Variants in PCDH15 observed in about 807,000 individuals in gnomAD.
PCDH15 encodes protocadherin related 15, also known as protocadherin-15.
Under a neutral mutation model 178.5 loss-of-function variants are expected in PCDH15, and 129 were observed. The ratio of observed to expected loss-of-function variants is 0.72; its 90% CI spans 0.63 to 0.84. The LOEUF (loss-of-function observed/expected upper bound fraction) is 0.84, where lower values mean the gene tolerates loss of function less well. Among genes scored for constraint, PCDH15 ranks in the 40% least tolerant of loss-of-function variants. The pLI, the probability that PCDH15 is intolerant of heterozygous loss-of-function variation, is 0.00. For missense variants in PCDH15, 2,230 were observed against 2,099.9 expected, an observed-to-expected ratio of 1.06 and a Z score of -1.21; for synonymous variants, 800 against 732.0, an observed-to-expected ratio of 1.09 and a Z score of -1.50.
At chr10:54,665,135 C>A (rs1422132101) in intron 1 of PCDH15, among the ~76,000 whole-genome samples, 1 of 151,574 alleles carries the variant, frequency 6.6e-6, no homozygotes, top group Non-Finnish European at 1.5e-5. Context: ...CTACAGAGGA[C>A]AAGCAGACAA....
intron 3 of PCDH15, among the ~76,000 whole-genome samples, chr10:54,862,104 TTA>T (rs1380244360): frequency 6.6e-6 from 1 of 152,212 alleles, no homozygotes; most frequent in Non-Finnish European, 1.5e-5. Flanking sequence ...TACATCATAG[TTA>T]TATGTCTATA....
chr10:54,877,497 T>C (rs1025748819), intron 3 of PCDH15, among the ~76,000 whole-genome samples: 1 of 152,200 alleles, frequency 6.6e-6, no homozygotes, highest in Non-Finnish European at 1.5e-5. Context: ...AAAACCTCTC[T>C]GATGAATTAT....
chr10:53,818,260 C>A (rs2076135404), intron 33 of PCDH15: 1 of 318,338 alleles, frequency 3.1e-6, no homozygotes, highest in Non-Finnish European at 5.7e-6. Flanking sequence ...ACAAAACATG[C>A]AAAATCTATT....
intron 1 of PCDH15, among the ~76,000 whole-genome samples, chr10:55,189,456 T>A (rs980961575): frequency 6.6e-6 from 1 of 151,890 alleles, no homozygotes; most frequent in East Asian, 1.9e-4. Flanking sequence ...GCTATAGAGA[T>A]AATTAAATAA....
chr10:54,376,908 C>T (rs1948533358), intron 4 of PCDH15, among the ~76,000 whole-genome samples: 1 of 151,854 alleles, frequency 6.6e-6, no homozygotes, highest in South Asian at 2.1e-4. Flanking sequence ...TTCACTGCAG[C>T]ATTTTTGTAA....
rs564413406 is a variant in PCDH15 at position 55,568,629 on chromosome 10, G to A, written c.-156+58996C>T. 1.6e-4 allele frequency among the ~76,000 whole-genome samples: 25 copies of A among 152,062 alleles called. 1 individual carries two copies. The South Asian group carries it at 3.7e-3, about 23-fold the overall frequency. On this transcript the variant is annotated intron_variant, in intron 2 of 5. Coordinates refer to the PCDH15 transcript ENST00000613346. Reference sequence around the variant, plus strand: ...GAATTATGAGTTTGGCTTTGAACAAGCTAATTTGACATGTTATCGGGACTT... The same window carrying A: ...GAATTATGAGTTTGGCTTTGAACAAACTAATTTGACATGTTATCGGGACTT...
intron 13 of PCDH15, among the ~76,000 whole-genome samples, chr10:54,177,321 C>T (rs2047533589): frequency 6.6e-6 from 1 of 152,070 alleles, no homozygotes; most frequent in Admixed American, 6.6e-5. Context: ...ATTTTTAGAG[C>T]AGTGAAACTC....
In PCDH15 at chr10:54,278,326, G is replaced by C. The variant is rs559630126; in HGVS notation, c.876+38945C>G. On this transcript the variant is annotated intron_variant, in intron 8 of 37. Coordinates refer to ENST00000644397, the MANE Select transcript of PCDH15 (RefSeq NM_001384140.1). ...ACAATTTTTAGTAATTGCCTAGTCA[G>C]TGAACCTTGCCATAGTCCTTAGTTA... Among the ~76,000 whole-genome samples, 3 of 151,632 alleles carry C rather than the reference G, an allele frequency of 2.0e-5. No homozygotes were observed. The East Asian group carries it at 5.8e-4, about 29-fold the overall frequency.
At chr10:54,139,952 A>ACAAAAGT (rs1374396891) in intron 14 of PCDH15, among the ~76,000 whole-genome samples, 6 of 152,176 alleles carry the variant, frequency 3.9e-5, no homozygotes, top group African/African-American at 1.4e-4. Flanking sequence ...CTAAGACAAA[A>ACAAAAGT]CAAAAGTCCA....
rs1840627877 is a variant in PCDH15 at position 55,213,644 on chromosome 10, C to T, written c.-155-46993G>A. Among the ~76,000 whole-genome samples the T allele has an allele frequency of 2.0e-5, 3 of 151,084 alleles. No individual in the cohort carries two copies. In the South Asian group the frequency reaches 6.2e-4, roughly 31 times the overall value. On this transcript the variant is annotated intron_variant, in intron 1 of 5. Coordinates refer to the PCDH15 transcript ENST00000458638. ...ATATATGTTATATTTATATTAAGTC[C>T]TCTTCCCTTTCTAGTATTGTTTATT...
chr10:54,680,754 C>T (rs1340210454), intron 1 of PCDH15, among the ~76,000 whole-genome samples: 1 of 152,200 alleles, frequency 6.6e-6, no homozygotes, highest in Non-Finnish European at 1.5e-5. Flanking sequence ...CATCACTTTG[C>T]TGCTCCTTCA....
Position 55,052,971 on chromosome 10 carries a change from G to C in PCDH15, c.-80+113605C>G, listed in dbSNP as rs185614716. ...ACTGAAATTGAACATTTCAGGGAAG[G>C]ACTGTCTATAAATGTTGACATTGTT... On this transcript the variant is annotated intron_variant, in intron 2 of 5. Coordinates refer to the PCDH15 transcript ENST00000458638. Among the ~76,000 whole-genome samples, 38 of 152,224 alleles carry C rather than the reference G, an allele frequency of 2.5e-4. 1 individual carries two copies. The highest frequency in any genetic ancestry group is 2.9e-5 in the Non-Finnish European group (2 of 68,022).
intron 1 of PCDH15, among the ~76,000 whole-genome samples, chr10:54,670,665 A>G (rs1448321896): frequency 2.0e-5 from 3 of 152,116 alleles, no homozygotes; most frequent in African/African-American, 7.2e-5. Context: ...ATATAAATAC[A>G]CCAAAAATGT....
chr10:54,909,716 G>A (rs772556289), intron 2 of PCDH15, among the ~76,000 whole-genome samples: 1 of 152,110 alleles, frequency 6.6e-6, no homozygotes, highest in Admixed American at 6.6e-5. Context: ...AGGGGTGTCT[G>A]GGTCACAGCA....
At chr10:55,278,446 A>G (rs1408456939) in intron 1 of PCDH15, among the ~76,000 whole-genome samples, 1 of 152,068 alleles carries the variant, frequency 6.6e-6, no homozygotes. Context: ...GCTGGTTACG[A>G]ACTCCTGGCC....
intron 3 of PCDH15, among the ~76,000 whole-genome samples, chr10:54,459,857 C>T (rs1298356858): frequency 6.6e-6 from 1 of 151,990 alleles, no homozygotes; most frequent in Non-Finnish European, 1.5e-5. Flanking sequence ...TTTGTTTTAT[C>T]CTTGACTAAA....
intron 1 of PCDH15, among the ~76,000 whole-genome samples, chr10:54,793,550 C>T (rs1951638285): frequency 6.6e-6 from 1 of 150,686 alleles, no homozygotes; most frequent in Non-Finnish European, 1.5e-5. Context: ...GCAAAGTAAG[C>T]TGAAAAAGGC....
In PCDH15 at chr10:54,239,507, CTG is replaced by C. The variant is rs549864264; in HGVS notation, c.877-2578_877-2577del. On this transcript the variant is annotated intron_variant, in intron 8 of 37. Transcript: ENST00000644397. ...ATATTAATAATTAGAAGATGAAAAA[CTG>C]TGAGTATCTCAGGATACTGAGCATG... is the stretch of plus-strand genomic sequence containing the variant. 2.4e-3 allele frequency among the ~76,000 whole-genome samples: 359 copies of C among 151,634 alleles called. 1 individual carries two copies. The highest frequency in any genetic ancestry group is 8.4e-3 in the African/African-American group (349 of 41,390).
chr10:54,156,814 C>G (rs1268659767), intron 13 of PCDH15, among the ~76,000 whole-genome samples: 1 of 152,206 alleles, frequency 6.6e-6, no homozygotes, highest in South Asian at 2.1e-4. Context: ...AATGGAGATA[C>G]AGGCATTGGG....
Sources: allele counts gnomAD v4.1 joint callset (sites outside exome capture counted in the v4.1 genomes callset), GRCh38; gene constraint gnomAD v4.1.1; transcripts MANE v1.5; gene names NCBI Gene and HGNC (gene_info 2026-07-23, HGNC 2026-07-21).